The following ATP5PD variants were observed in gnomAD, a reference collection of about 807,000 sequenced individuals.
ATP5PD encodes the protein ATP synthase peripheral stalk subunit d, mitochondrial.
Under a neutral mutation model 22.6 loss-of-function variants are expected in ATP5PD, and 13 were observed. The ratio of observed to expected loss-of-function variants is 0.58; its 90% CI spans 0.37 to 0.91. ATP5PD has a LOEUF of 0.91. Ranked by LOEUF, ATP5PD falls within the 40% of genes least tolerant of loss-of-function variation. The probability of loss-of-function intolerance (pLI) is 0.00; values close to 1 mark genes in which losing one functional copy is unlikely to be tolerated. For missense variants in ATP5PD, 165 were observed against 188.0 expected, an observed-to-expected ratio of 0.88 and a Z score of 0.72; for synonymous variants, 51 against 65.0, an observed-to-expected ratio of 0.79 and a Z score of 1.03.
intron 3 of ATP5PD, 189 bp from the exon 4 acceptor site, chr17:75,040,352 A>G: frequency 1.6e-6 from 1 of 639,540 alleles, no homozygotes; most frequent in Non-Finnish European, 2.8e-6. Context: ...AAAGAATATT[A>G]GACTGGGAAC....
intron 1 of ATP5PD, among the ~76,000 whole-genome samples, chr17:75,044,745 TTAAG>T (rs2073196008): frequency 6.6e-6 from 1 of 152,178 alleles, no homozygotes; most frequent in African/African-American, 2.4e-5. Flanking sequence ...ATAGTCCTCT[TTAAG>T]TAAGATCAGG....
At position 75,038,867 on chromosome 17, in the gene ATP5PD, T is replaced by C. The variant is rs115469710; in HGVS notation, c.*65A>G. 6,797 of 1,527,614 alleles carry C rather than the reference T, an allele frequency of 4.4e-3. 277 individuals are homozygous for C. The African/African-American group carries it at 0.084, about 19-fold the overall frequency. The allele number at this position is 1,527,614 out of a possible 1,614,324, so 94.6% of individuals were successfully genotyped here. ...GAGAAGAAGCACACCCAGAACTGTATAATTATTATTTTTAATGTCCAGAAT... is the reference window on the plus strand; with the variant it reads ...GAGAAGAAGCACACCCAGAACTGTACAATTATTATTTTTAATGTCCAGAAT... On this transcript the variant is annotated 3_prime_UTR_variant, in exon 6 of 6. Transcript: ENST00000301587.
chr17:75,044,935 A>G (rs902231573), intron 1 of ATP5PD, among the ~76,000 whole-genome samples: 3 of 152,110 alleles, frequency 2.0e-5, no homozygotes, highest in South Asian at 2.1e-4. Flanking sequence ...TGTTAAGGCA[A>G]TTGGCATGTG....
At chr17:75,045,866 G>C (rs946176907) in intron 1 of ATP5PD, among the ~76,000 whole-genome samples, 2 of 152,184 alleles carry the variant, frequency 1.3e-5, no homozygotes, top group Non-Finnish European at 2.9e-5. Flanking sequence ...GTATTGACTG[G>C]GGAAGTGATA....
In ATP5PD at chr17:75,039,261, C is replaced by G; in HGVS notation, c.302G>C (p.Cys101Ser). 1 of 1,614,132 alleles carries G rather than the reference C, an allele frequency of 6.2e-7. No individual in the cohort carries two copies. The highest frequency in any genetic ancestry group is 8.5e-7 in the Non-Finnish European group (1 of 1,180,000). ...CTTTGAGAGAGACACCCACTCAGCA[C>G]AAGATTTCACCTTTAAGAAGAAAGA... ...DAEEKEDVKS[C>S]AEWVSLSKAR... Residue 101 changes from cysteine to serine, a missense_variant, in exon 5 of 6, where the codon TGT becomes TCT. Physicochemically the swap from Cys to Ser is moderately radical, Grantham distance 112. Transcript: ENST00000301587.
At chr17:75,039,985 A>G in intron 4 of ATP5PD, 107 bp downstream of exon 4, 3 of 1,161,176 alleles carry the variant, frequency 2.6e-6, no homozygotes, top group Non-Finnish European at 3.8e-6. Context: ...ATTCCTTTAT[A>G]TGGCTGTTAA....
chr17:75,042,691 T>C, intron 1 of ATP5PD, 32 bp from the exon 2 acceptor site: 1 of 1,580,210 alleles, frequency 6.3e-7, no homozygotes, highest in Non-Finnish European at 8.6e-7. Context: ...AACAAGGCTT[T>C]TTTATGAGGT....
intron 4 of ATP5PD, chr17:75,039,680 T>G: frequency 3.7e-6 from 1 of 266,900 alleles, no homozygotes; most frequent in South Asian, 5.8e-5. Context: ...ACTACTTGGG[T>G]AATTTTTCTA....
intron 1 of ATP5PD, among the ~76,000 whole-genome samples, chr17:75,044,351 G>A (rs111621296): frequency 8.7e-6 from 1 of 115,370 alleles, no homozygotes. Flanking sequence ...GACTACAGGC[G>A]CCCGCCACCG....
intron 3 of ATP5PD, chr17:75,041,053 T>A (rs557157483): frequency 6.6e-6 from 1 of 151,524 alleles, no homozygotes; most frequent in East Asian, 2.0e-4. Context: ...ATTACAGCTA[T>A]AAGGGACAGT....
At chr17:75,045,841 T>C (rs1380805092) in intron 1 of ATP5PD, among the ~76,000 whole-genome samples, 2 of 152,192 alleles carry the variant, frequency 1.3e-5, no homozygotes, top group African/African-American at 4.8e-5. Flanking sequence ...AAGACAGGCA[T>C]AGGAAATCAG....
At position 75,040,156 on chromosome 17, in the gene ATP5PD, G is replaced by A. The variant is rs754519788; in HGVS notation, c.227C>T (p.Ala76Val). ...ATCCTCTGGCACGGGAACCTTCAGC[G>A]CATTAAACTACAAACACAAGGGCAC... ...LVDDFEKKFN[A>V]LKVPVPEDKY... The change falls in exon 4 of 6, where the codon GCG becomes GTG. Residue 76 changes from alanine (A) to valine (V), a missense_variant. Physicochemically the swap from Ala to Val is moderately conservative, Grantham distance 64. Transcript: ENST00000301587. The A allele has an allele frequency of 2.7e-5, 43 of 1,611,284 alleles. No individual in the cohort carries two copies. The highest frequency in any genetic ancestry group is 7.7e-5 in the South Asian group (7 of 90,930).
intron 1 of ATP5PD, among the ~76,000 whole-genome samples, chr17:75,043,692 T>A (rs1828807129): frequency 6.6e-6 from 1 of 152,050 alleles, no homozygotes; most frequent in African/African-American, 2.4e-5. Context: ...ATAACACTCT[T>A]ATTGCATAAA....
chr17:75,046,113 C>G (rs2073213271), intron 1 of ATP5PD, among the ~76,000 whole-genome samples: 1 of 152,274 alleles, frequency 6.6e-6, no homozygotes, highest in East Asian at 1.9e-4. Context: ...GACGGAGTCT[C>G]GCACTGTCGC....
chr17:75,046,362 G>A (rs928049835), intron 1 of ATP5PD, among the ~76,000 whole-genome samples: 2 of 152,174 alleles, frequency 1.3e-5, no homozygotes, highest in African/African-American at 4.8e-5. Context: ...GATTACAGGC[G>A]TGAGCCACCG....
chr17:75,039,937 T>G, intron 4 of ATP5PD, 155 bp downstream of exon 4: 1 of 773,746 alleles, frequency 1.3e-6, no homozygotes, highest in African/African-American at 1.7e-5. Flanking sequence ...CATAATTATT[T>G]TGAAATTCGT....
At chr17:75,042,309 G>A (rs1017912378) in intron 2 of ATP5PD, 32 bp from the exon 3 acceptor site, 4 of 1,604,612 alleles carry the variant, frequency 2.5e-6, no homozygotes, top group African/African-American at 2.7e-5. Flanking sequence ...AGTTAGGATT[G>A]TTCATAAGCA....
chr17:75,040,406 C>T, intron 3 of ATP5PD: 1 of 496,368 alleles, frequency 2.0e-6, no homozygotes. Context: ...ACTCGGAACC[C>T]TGGACAATTC....
intron 2 of ATP5PD, 100 bp from the exon 3 acceptor site, chr17:75,042,377 C>CTG: frequency 6.7e-7 from 1 of 1,497,742 alleles, no homozygotes; most frequent in Non-Finnish European, 9.1e-7. Flanking sequence ...GGAGGGTCAC[C>CTG]ACACTTTCCT....
Sources: allele counts gnomAD v4.1 joint callset (sites outside exome capture counted in the v4.1 genomes callset), GRCh38; gene constraint gnomAD v4.1.1; transcripts MANE v1.5; gene names NCBI Gene and HGNC (gene_info 2026-07-23, HGNC 2026-07-21).